GPC4: variants seen among roughly 807,000 people sequenced by gnomAD.
GPC4 encodes glypican-4.
In GPC4, 10 loss-of-function variants were observed where a neutral mutation model predicts 35.0. The observed-to-expected ratio is 0.29, with a 90% CI of 0.18 to 0.48. The LOEUF is 0.48. Among genes scored for constraint, GPC4 ranks in the 20% least tolerant of loss-of-function variants. GPC4 has a pLI of 0.99. For missense variants in GPC4, 322 were observed against 451.3 expected (o/e 0.71, Z 2.60); for synonymous variants, 167 against 170.2 (o/e 0.98, Z 0.15).
At chrX:133,405,266 G>T (rs1182071195) in intron 1 of GPC4, among the ~76,000 whole-genome samples, 1 of 110,038 alleles carries the variant, frequency 9.1e-6, no homozygotes, top group African/African-American at 3.3e-5. Flanking sequence ...GTGCCACCAC[G>T]CCTGGCTAAT....
At chrX:133,395,088 T>C (rs968385231) in intron 1 of GPC4, among the ~76,000 whole-genome samples, 2 of 111,605 alleles carry the variant, frequency 1.8e-5, no homozygotes, top group Admixed American at 1.9e-4. Flanking sequence ...TTCACTGTAA[T>C]AGCCTTTCAA....
At chrX:133,347,261 T>G (rs1334025975) in intron 1 of GPC4, among the ~76,000 whole-genome samples, 3 of 92,210 alleles carry the variant, frequency 3.3e-5, no homozygotes, top group East Asian at 6.7e-4. Flanking sequence ...TTTTTTTTTT[T>G]TTTTTTTTTT....
intron 1 of GPC4, among the ~76,000 whole-genome samples, chrX:133,403,108 A>C (rs914279936): frequency 1.8e-5 from 2 of 111,404 alleles, no homozygotes; most frequent in East Asian, 5.6e-4. Context: ...GGGTAAAAAA[A>C]CATGTTTTCC....
chrX:133,384,862 T>C (rs1180023780), intron 1 of GPC4, among the ~76,000 whole-genome samples: 1 of 111,844 alleles, frequency 8.9e-6, no homozygotes, highest in Non-Finnish European at 1.9e-5. Context: ...AGCTGGACTC[T>C]GTTTAAACAC....
rs781310083 is a variant in GPC4 at position 133,414,822 on chromosome X, G to A, written c.144C>T (p.Pro48=). 9.9e-6 allele frequency: 12 copies of A among 1,211,786 alleles called. No homozygotes were observed. The South Asian group carries it at 2.1e-4, about 21-fold the overall frequency. ...CCCACCTACCGTTGATCTCGTGGAG[G>A]GGGGCATCGTTCTTGTTGAAGCCTT... ...VSKGFNKNDA[P]LHEINGDHLK... is the part of the protein sequence containing the mutation. The change falls in exon 1 of 9, where the codon CCC becomes CCT. Residue 48 remains proline (P), a synonymous_variant. Transcript: ENST00000370828.
intron 1 of GPC4, among the ~76,000 whole-genome samples, chrX:133,403,945 C>T (rs774808726): frequency 9.0e-6 from 1 of 110,721 alleles, no homozygotes; most frequent in Non-Finnish European, 1.9e-5. Context: ...GATCTGCCTG[C>T]CTCGACCTCC....
At chrX:133,360,037 G>T (rs374383957) in intron 1 of GPC4, among the ~76,000 whole-genome samples, 3 of 110,368 alleles carry the variant, frequency 2.7e-5, no homozygotes, top group South Asian at 7.9e-4. Flanking sequence ...GCCTATGCTG[G>T]GGGGGGAGAG....
At chrX:133,403,379 C>T (rs912780813) in intron 1 of GPC4, among the ~76,000 whole-genome samples, 1 of 110,657 alleles carries the variant, frequency 9.0e-6, no homozygotes, top group East Asian at 2.9e-4. Flanking sequence ...ATCTTCTCAC[C>T]GTAATTTCAT....
chrX:133,328,403 A>G lies in GPC4; in HGVS notation c.320-3867T>C, dbSNP rs779451934. ...ATCAACCAAAGCATAATAATTTGCT[A>G]TTAGAAAGAAGGAGAAAAAATCCTT... On this transcript the variant is annotated intron_variant, in intron 2 of 8. Coordinates refer to ENST00000370828, the MANE Select transcript of GPC4 (RefSeq NM_001448.3). Among the ~76,000 whole-genome samples, 44 of 111,726 alleles carry G rather than the reference A, an allele frequency of 3.9e-4. 1 individual carries two copies. The South Asian group carries it at 0.016, about 41-fold the overall frequency.
intron 2 of GPC4, among the ~76,000 whole-genome samples, chrX:133,327,500 A>T (rs1346656526): frequency 9.0e-6 from 1 of 111,119 alleles, no homozygotes; most frequent in Admixed American, 9.7e-5. Flanking sequence ...GGATGCAGCC[A>T]TATATAACAT....
chrX:133,407,875 G>C (rs1373420305), intron 1 of GPC4, among the ~76,000 whole-genome samples: 2 of 112,257 alleles, frequency 1.8e-5, no homozygotes, highest in African/African-American at 6.5e-5. Context: ...TTGATGTCTG[G>C]CACACATTTA....
chrX:133,327,354 T>C (rs1214656296), intron 2 of GPC4, among the ~76,000 whole-genome samples: 1 of 111,767 alleles, frequency 8.9e-6, no homozygotes, highest in Non-Finnish European at 1.9e-5. Flanking sequence ...AATTTAAAAC[T>C]TCTAATAAAT....
chrX:133,405,762 C>T (rs1441100137), intron 1 of GPC4, among the ~76,000 whole-genome samples: 1 of 112,511 alleles, frequency 8.9e-6, no homozygotes, highest in African/African-American at 3.2e-5. Context: ...TATCTTCTCA[C>T]GTATAAACCC....
At chrX:133,351,338 T>C (rs1032506684) in intron 1 of GPC4, among the ~76,000 whole-genome samples, 2 of 110,780 alleles carry the variant, frequency 1.8e-5, no homozygotes, top group African/African-American at 6.6e-5. Context: ...ACTTTGAGTT[T>C]CCTTGGCTTG....
intron 1 of GPC4, among the ~76,000 whole-genome samples, chrX:133,398,867 G>A (rs2068756357): frequency 9.0e-6 from 1 of 111,317 alleles, no homozygotes; most frequent in African/African-American, 3.3e-5. Flanking sequence ...TCTGTTCTCA[G>A]AGCAGCAGCA....
At chrX:133,381,747 T>C (rs2068661397) in intron 1 of GPC4, among the ~76,000 whole-genome samples, 1 of 112,513 alleles carries the variant, frequency 8.9e-6, no homozygotes, top group African/African-American at 3.2e-5. Context: ...ATAAGTTTGT[T>C]AGTGTTGTGC....
intron 1 of GPC4, among the ~76,000 whole-genome samples, chrX:133,384,611 G>A (rs183927353): frequency 9.0e-6 from 1 of 111,065 alleles, no homozygotes; most frequent in Non-Finnish European, 1.9e-5. Context: ...CTCAGGCCCC[G>A]GGCTATAGCG....
Position 133,313,549 on chromosome X carries a change from T to G in GPC4, c.712-2126A>C, listed in dbSNP as rs745324292. ...CTTTAAAGTCACAGATTGTTAAGAC[T>G]TCCCTACATGTCCCCCTCTCCTTTT... On this transcript the variant is annotated intron_variant, in intron 3 of 8. Coordinates refer to ENST00000370828, the MANE Select transcript of GPC4 (RefSeq NM_001448.3). Among the ~76,000 whole-genome samples the G allele has an allele frequency of 2.7e-5, 3 of 111,901 alleles. No homozygotes were observed. The East Asian group carries it at 8.5e-4, about 32-fold the overall frequency.
In GPC4 at chrX:133,362,931, G is replaced by C. The variant is rs945996220; in HGVS notation, c.161-23590C>G. On this transcript the variant is annotated intron_variant, in intron 1 of 8. Coordinates refer to ENST00000370828, the MANE Select transcript of GPC4 (RefSeq NM_001448.3). The stretch of plus-strand genomic sequence containing the variant: ...AGAACAGGTAAATCCGGACAAAAAA[G>C]CCAGGCTGACGGTAGAATGGGGCAA... 6.3e-5 allele frequency among the ~76,000 whole-genome samples: 7 copies of C among 111,681 alleles called. No individual in the cohort carries two copies. In the East Asian group the frequency reaches 2.0e-3, roughly 32 times the overall value.
Sources: gnomAD v4.1 joint callset for allele counts (sites outside exome capture counted in the v4.1 genomes callset) on GRCh38, gnomAD v4.1.1 for gene constraint, MANE v1.5 for transcripts, NCBI Gene and HGNC (gene_info 2026-07-23, HGNC 2026-07-21) for gene names.